FKBP11: variants seen among roughly 807,000 people sequenced by gnomAD.
The protein encoded by FKBP11 is peptidyl-prolyl cis-trans isomerase FKBP11.
Under a neutral mutation model 24.7 loss-of-function variants are expected in FKBP11, and 21 were observed. The observed-to-expected ratio is 0.85, with a 90% confidence interval of 0.60 to 1.23. The LOEUF is 1.23. Ranked by LOEUF, FKBP11 falls within the 50% of genes most tolerant of loss-of-function variation. FKBP11 has a pLI of 0.00. For missense variants in FKBP11, 245 were observed against 248.7 expected, an observed-to-expected ratio of 0.99 and a Z score of 0.10; for synonymous variants, 106 against 100.6, an observed-to-expected ratio of 1.05 and a Z score of -0.32.
the FKBP11 span, among the ~76,000 whole-genome samples, chr12:48,933,235 C>A: frequency 6.6e-6 from 1 of 152,132 alleles, no homozygotes; most frequent in Non-Finnish European, 1.5e-5. Context: ...TTACCCATAC[C>A]AGCAATCAGG....
chr12:48,928,071 G>A (rs1208453833), upstream of FKBP11, among the ~76,000 whole-genome samples: 1 of 103,140 alleles, frequency 9.7e-6, no homozygotes, highest in Non-Finnish European at 1.9e-5. Context: ...TTTTTGAGAT[G>A]GGGGTCTCTG....
At chr12:48,930,857 A>G (rs1252344067), upstream of FKBP11, among the ~76,000 whole-genome samples, 1 of 152,134 alleles carries the variant, frequency 6.6e-6, no homozygotes, top group Non-Finnish European at 1.5e-5. Context: ...GGCCGGGTGC[A>G]GTGGCTCACG....
upstream of FKBP11, among the ~76,000 whole-genome samples, chr12:48,929,413 A>C (rs142187853): frequency 6.6e-6 from 1 of 152,054 alleles, no homozygotes; most frequent in Non-Finnish European, 1.5e-5. Flanking sequence ...ACGCCACTGC[A>C]CTCCAGCCTA....
At chr12:48,931,188 ACTAAGGCAGTGGGAACACATTGCAAGT>A (rs1940045913), upstream of FKBP11, among the ~76,000 whole-genome samples, 1 of 148,350 alleles carries the variant, frequency 6.7e-6, no homozygotes, top group Admixed American at 7.0e-5. Flanking sequence ...TGAATGTCAG[ACTAAGGCAGTGGGAACACATTGCAAGT>A]TTCTAAGCAA....
chr12:48,925,223 A>T, intron 1 of FKBP11, 77 bp downstream of exon 1: 1 of 1,586,964 alleles, frequency 6.3e-7, no homozygotes, highest in East Asian at 2.3e-5. Flanking sequence ...CCCGGCTCCC[A>T]GGTTCGCTGA....
intron 3 of FKBP11, 41 bp downstream of exon 3, chr12:48,924,520 T>C: frequency 1.3e-6 from 2 of 1,565,400 alleles, no homozygotes; most frequent in Non-Finnish European, 1.8e-6. Flanking sequence ...AGAAAGGGCT[T>C]AGGTTGGGAA....
chr12:48,924,928 C>A, intron 2 of FKBP11, 118 bp downstream of exon 2: 1 of 1,446,522 alleles, frequency 6.9e-7, no homozygotes, highest in Non-Finnish European at 9.1e-7. Flanking sequence ...GCTCGACGAC[C>A]CCAGAGCCCC....
At chr12:48,934,144 G>C in the FKBP11 span, among the ~76,000 whole-genome samples, 1 of 152,172 alleles carries the variant, frequency 6.6e-6, no homozygotes. Flanking sequence ...GCTTGAACTG[G>C]AAGTGGTGTA....
chr12:48,925,017 G>T, intron 2 of FKBP11, 29 bp downstream of exon 2: 1 of 1,553,700 alleles, frequency 6.4e-7, no homozygotes, highest in Non-Finnish European at 8.8e-7. Context: ...CCCCTCCCAG[G>T]CCCCGCCCCG....
chr12:48,928,043 CTTTTT>C (rs34076093), upstream of FKBP11, among the ~76,000 whole-genome samples: 206 of 88,472 alleles, frequency 2.3e-3, no homozygotes, highest in Non-Finnish European at 3.3e-3. Flanking sequence ...TGCCAGATAC[CTTTTT>C]TTTTTTTTTT....
At chr12:48,924,330 T>C (rs1939904149) in intron 3 of FKBP11, 74 bp from the exon 4 acceptor site, 1 of 1,574,216 alleles carries the variant, frequency 6.4e-7, no homozygotes, top group African/African-American at 1.3e-5. Flanking sequence ...GATCAAAGTC[T>C]TCCTCCTCCA....
Position 48,923,176 on chromosome 12 carries a change from A to G in FKBP11, c.388+606T>C, listed in dbSNP as rs990515143. ...AAAAAAAAAAAGAATTACGAGCCCA[A>G]TACTCTGTGGAGTACAACACATTTT... On this transcript the variant is annotated intron_variant, in intron 5 of 5. Coordinates refer to ENST00000550765, the MANE Select transcript of FKBP11 (RefSeq NM_016594.3). The G allele has an allele frequency of 3.9e-5, 46 of 1,186,834 alleles. No individual in the cohort carries two copies. In the African/African-American group the frequency reaches 6.8e-4, roughly 17 times the overall value. 73.5% of individuals were successfully genotyped at this position (1,186,834 alleles called of 1,614,324 possible). A position where few individuals can be genotyped will look rare whatever the true frequency, so the allele number is the denominator to read the frequency against.
chr12:48,932,261 ATTTTTTTTTTTTTTTTT>A, the FKBP11 span, among the ~76,000 whole-genome samples: 62 of 30,500 alleles, frequency 2.0e-3, no homozygotes, highest in Admixed American at 0.028. Flanking sequence ...ATATATATAT[ATTTTTTTTTTTTTTTTT>A]TTTTTTTTTT....
chr12:48,928,078 T>TCG (rs2137562505), upstream of FKBP11, among the ~76,000 whole-genome samples: 1 of 128,388 alleles, frequency 7.8e-6, no homozygotes, highest in Non-Finnish European at 1.6e-5. Context: ...GATGGGGGTC[T>TCG]CTGTCATCCA....
chr12:48,932,172 T>A, the FKBP11 span, among the ~76,000 whole-genome samples: 79 of 136,020 alleles, frequency 5.8e-4, no homozygotes, highest in Middle Eastern at 3.8e-3. Context: ...AGTAAAAATA[T>A]ATATATATAT....
chr12:48,929,279 C>A, upstream of FKBP11, among the ~76,000 whole-genome samples: 1 of 152,048 alleles, frequency 6.6e-6, no homozygotes, highest in East Asian at 1.9e-4. Flanking sequence ...AAGACCCTAT[C>A]TCTACAAATA....
chr12:48,930,617 G>A (rs947830191), upstream of FKBP11, among the ~76,000 whole-genome samples: 1 of 152,198 alleles, frequency 6.6e-6, no homozygotes, highest in South Asian at 2.1e-4. Context: ...AGGAGCCAAC[G>A]TGGGGAAAAA....
chr12:48,925,091 A>G lies in FKBP11; in HGVS notation c.150T>C (p.Cys50=), dbSNP rs1939930872. Residue 50 remains cysteine (C), a synonymous_variant, in exon 2 of 6, where the codon TGT becomes TGC. Coordinates refer to ENST00000550765, the MANE Select transcript of FKBP11 (RefSeq NM_016594.3). ...TGTCTCCAAAAGCAGCGGGCTCGGC[A>G]CATGGTTCTGGGGGCTCCACCTACG... The part of the protein sequence containing the change: ...VETLVEPPEP[C]AEPAAFGDTL... 3.2e-6 allele frequency: 5 copies of G among 1,586,986 alleles called. No individual in the cohort carries two copies. In the South Asian group the frequency reaches 5.5e-5, roughly 18 times the overall value.
At position 48,922,165 on chromosome 12, in the gene FKBP11, G is replaced by A; in HGVS notation, c.425C>T (p.Ala142Val). The A allele has an allele frequency of 6.2e-7, 1 of 1,614,064 alleles. No individual in the cohort carries two copies. The highest frequency in any genetic ancestry group is 8.5e-7 in the Non-Finnish European group (1 of 1,180,016). Residue 142 changes from alanine (A) to valine (V), a missense_variant, in exon 6 of 6, where the codon GCA becomes GTA. Transcript: ENST00000550765. ...TAGCCAGTAGTTGGCTCGGATTAGT[G>A]CAATCAGCTCCACGTCATACTGCAC... ...AVVQYDVELI[A>V]LIRANYWLKL...
Sources: gnomAD v4.1 joint callset for allele counts (sites outside exome capture counted in the v4.1 genomes callset) on GRCh38, gnomAD v4.1.1 for gene constraint, MANE v1.5 for transcripts, NCBI Gene and HGNC (gene_info 2026-07-23, HGNC 2026-07-21) for gene names.